LAP3: variants seen among roughly 807,000 people sequenced by gnomAD.
LAP3 encodes cytosol aminopeptidase.
In LAP3, 46 loss-of-function variants were observed where a neutral mutation model predicts 58.8. The observed-to-expected ratio is 0.78, with a 90% CI of 0.62 to 1.00. The LOEUF is 1.00. LAP3 is among the 50% of genes least tolerant of loss of function. The probability of loss-of-function intolerance (pLI) is 0.00; values close to 1 mark genes in which losing one functional copy is unlikely to be tolerated. For missense variants in LAP3, 615 were observed against 659.1 expected, an observed-to-expected ratio of 0.93 and a Z score of 0.73; for synonymous variants, 257 against 237.7, an observed-to-expected ratio of 1.08 and a Z score of -0.75.
At chr4:17,578,990 G>A (rs1255204243) in intron 1 of LAP3, among the ~76,000 whole-genome samples, 1 of 152,152 alleles carries the variant, frequency 6.6e-6, no homozygotes, top group African/African-American at 2.4e-5. Flanking sequence ...CTGTGGCTGG[G>A]CCTAAGAAAA....
At position 17,607,904 on chromosome 4, in the gene LAP3, AG is replaced by A. The variant is rs1478684682; in HGVS notation, c.*317del. ...AATTGTAACTCAGATTTGTGATGCT[AG>A]GAACATGAGCAAACTGAAAATTACT... On this transcript the variant is annotated 3_prime_UTR_variant, in exon 13 of 13. Transcript: ENST00000226299. 24 of 204,252 alleles carry A rather than the reference AG, an allele frequency of 1.2e-4. No individual in the cohort carries two copies. The highest frequency in any genetic ancestry group is 5.6e-4 in the African/African-American group (24 of 43,094). The allele number at this position is 204,252 out of a possible 1,614,324, so 12.7% of individuals were successfully genotyped here.
At chr4:17,597,665 T>G (rs1713864660) in intron 9 of LAP3, among the ~76,000 whole-genome samples, 1 of 152,248 alleles carries the variant, frequency 6.6e-6, no homozygotes, top group Non-Finnish European at 1.5e-5. Context: ...TCCTGTATGC[T>G]ATACATGTGT....
rs777159170 is a variant in LAP3 at position 17,597,120 on chromosome 4, G to A, written c.1063G>A (p.Gly355Arg). The change falls in exon 9 of 13, where the codon GGG becomes AGG. Residue 355 changes from glycine (G) to arginine (R), a missense_variant. Transcript: ENST00000226299. ...KPGDVVRAKN[G>R]KTIQVDNTDA... ...GGGGGATGTTGTTAGAGCCAAAAAC[G>A]GGAAGACCATCCAGGTTTGTAAATG... 2.4e-5 allele frequency: 38 copies of A among 1,614,042 alleles called. No individual in the cohort carries two copies. Among genetic ancestry groups the A allele is most frequent in the Non-Finnish European group, 4.2e-6 (5 of 1,180,000 alleles).
Position 17,577,249 on chromosome 4 carries a change from C to CACGCATGCGGGCG in LAP3, c.-217_-216insACGCATGCGGGCG. 2.6e-6 allele frequency: 1 copy of CACGCATGCGGGCG among 390,326 alleles called. No individual in the cohort carries two copies. The allele number at this position is 390,326 out of a possible 1,614,324, so 24.2% of individuals were successfully genotyped here. On this transcript the variant is annotated 5_prime_UTR_variant, in exon 1 of 13. It adds an upstream start codon to the 5' untranslated region. Coordinates refer to ENST00000226299, the MANE Select transcript of LAP3 (RefSeq NM_015907.3). ...GCGGGCGCACACGAATGCGGGCGCA[C>CACGCATGCGGGCG]CCTTGAGTCCCCTCCACAACCGCGG... is the stretch of plus-strand genomic sequence containing the variant.
chr4:17,591,138 G>A (rs975375339), intron 7 of LAP3, among the ~76,000 whole-genome samples: 10 of 151,514 alleles, frequency 6.6e-5, no homozygotes, highest in Admixed American at 1.3e-4. Flanking sequence ...GTGCATTGGC[G>A]CAGTCTTGGC....
At chr4:17,581,839 G>C (rs762324028) in intron 3 of LAP3, 25 bp downstream of exon 3, 4 of 1,597,920 alleles carry the variant, frequency 2.5e-6, no homozygotes. Context: ...TGATCATTTG[G>C]TAAACCCTCA....
intron 7 of LAP3, among the ~76,000 whole-genome samples, chr4:17,594,985 A>C (rs75070459): frequency 0.013 from 2,030 of 152,076 alleles, 43 homozygotes; most frequent in South Asian, 0.041. Context: ...CACTGTTTAA[A>C]TTTCATTCAA....
intron 5 of LAP3, among the ~76,000 whole-genome samples, chr4:17,584,445 T>C (rs1233714407): frequency 6.6e-6 from 1 of 152,224 alleles, no homozygotes; most frequent in African/African-American, 2.4e-5. Context: ...AACACGTGCC[T>C]GTATCCTTTC....
Position 17,607,853 on chromosome 4 carries a change from A to T in LAP3, c.*264A>T, listed in dbSNP as rs2109025658. The T allele has an allele frequency of 1.4e-5, 4 of 281,188 alleles. No individual in the cohort carries two copies. Among genetic ancestry groups the T allele is most frequent in the South Asian group, 9.9e-5 (1 of 10,088 alleles). 17.4% of individuals were successfully genotyped at this position (281,188 alleles called of 1,614,324 possible). A position where few individuals can be genotyped will look rare whatever the true frequency, so the allele number is the denominator to read the frequency against. On this transcript the variant is annotated 3_prime_UTR_variant, in exon 13 of 13. Transcript: ENST00000226299. Reference sequence around the variant, plus strand: ...TTAGAACTTCCTAATCACTTTTCAGAGTATATGTTTTTCATTGAGAAGCAA... The same window carrying T: ...TTAGAACTTCCTAATCACTTTTCAGTGTATATGTTTTTCATTGAGAAGCAA...
intron 10 of LAP3, among the ~76,000 whole-genome samples, chr4:17,603,609 C>T (rs939765261): frequency 6.6e-6 from 1 of 151,058 alleles, no homozygotes; most frequent in Non-Finnish European, 1.5e-5. Context: ...CAGGTTCAAG[C>T]GGTTCAAGCG....
rs1198887803 is a variant in LAP3, at chr4:17,587,506, C to G, written c.705-1313C>G. On this transcript the variant is annotated intron_variant, in intron 6 of 12. Coordinates refer to ENST00000226299, the MANE Select transcript of LAP3 (RefSeq NM_015907.3). ...AAAATTTTTTTCCCTTTGAAGTGTG[C>G]TGGTCATCCCACCATGATGCAGTCC... 4.0e-5 allele frequency: 6 copies of G among 149,548 alleles called. No homozygotes were observed. The East Asian group carries it at 9.8e-4, about 24-fold the overall frequency. The allele number at this position is 149,548 out of a possible 1,614,324, so 9.3% of individuals were successfully genotyped here.
chr4:17,587,085 G>C lies in LAP3; in HGVS notation c.705-1734G>C, dbSNP rs575671375. On this transcript the variant is annotated intron_variant, in intron 6 of 12. Transcript: ENST00000226299. ...CGCACCGCTGCACTCCAGCCTGGGC[G>C]ACAGAGAGACACTGTGTCTCAAAAA... Among the ~76,000 whole-genome samples the C allele has an allele frequency of 6.6e-5, 10 of 152,306 alleles. No homozygotes were observed. The South Asian group carries it at 1.9e-3, about 28-fold the overall frequency.
chr4:17,587,084 C>A (rs988519019), intron 6 of LAP3, among the ~76,000 whole-genome samples: 1 of 152,062 alleles, frequency 6.6e-6, no homozygotes, highest in East Asian at 1.9e-4. Flanking sequence ...CCAGCCTGGG[C>A]GACAGAGAGA....
rs1181490549 is a variant in LAP3, at chr4:17,590,951, T to G, written c.863+1974T>G. ...TTTTTTTTTTTTTTTTTTTTTTTAGTAGAGACGTGGTCTTGCTATGTTGCC... is the reference window on the plus strand; with the variant it reads ...TTTTTTTTTTTTTTTTTTTTTTTAGGAGAGACGTGGTCTTGCTATGTTGCC... On this transcript the variant is annotated intron_variant, in intron 7 of 12. Transcript: ENST00000226299. Among the ~76,000 whole-genome samples, 3 of 130,312 alleles carry G rather than the reference T, an allele frequency of 2.3e-5. No homozygotes were observed. The East Asian group carries it at 6.9e-4, about 30-fold the overall frequency. 85.5% of individuals were successfully genotyped at this position (130,312 alleles called of 152,430 possible).
rs199537267 is a variant in LAP3, at chr4:17,588,995, C to T, written c.863+18C>T. ...TTTGACAGGTATTTTTTATGGTGTC[C>T]GTGCTTTGTATTTTGGTGAATTATT... is the stretch of plus-strand genomic sequence containing the variant. On this transcript the variant is annotated intron_variant, in intron 7 of 12. Coordinates refer to ENST00000226299, the MANE Select transcript of LAP3 (RefSeq NM_015907.3). 232 of 1,605,362 alleles carry T rather than the reference C, an allele frequency of 1.4e-4. No homozygotes were observed. The highest frequency in any genetic ancestry group is 1.8e-4 in the Non-Finnish European group (214 of 1,174,504).
chr4:17,607,521 G>A lies in LAP3; in HGVS notation c.1492G>A (p.Gly498Ser). ...AGATGAAGTTCCCTATCTACGGAAA[G>A]GCATGACTGGGAGGCCCACAAGGAC... ...NKDEVPYLRK[G>S]MTGRPTRTLI... Residue 498 changes from glycine (G) to serine (S), a missense_variant, in exon 13 of 13, where the codon GGC (glycine) becomes AGC (serine). By Grantham distance (56) the Gly-to-Ser change is moderately conservative (BLOSUM62 0). Transcript: ENST00000226299. 6.2e-7 allele frequency: 1 copy of A among 1,614,080 alleles called. No homozygotes were observed. The highest frequency in any genetic ancestry group is 8.5e-7 in the Non-Finnish European group (1 of 1,180,014).
Position 17,577,480 on chromosome 4 carries a change from T to C in LAP3, c.15T>C (p.Pro5=), listed in dbSNP as rs1713231383. The C allele has an allele frequency of 2.5e-6, 4 of 1,580,730 alleles. No homozygotes were observed. The East Asian group carries it at 7.0e-5, about 28-fold the overall frequency. ...GAGCCGACAAGATGTTCTTGCTGCCTCTTCCGGCTGCGGGGCGAGTAGTCG... is the reference window on the plus strand; with the variant it reads ...GAGCCGACAAGATGTTCTTGCTGCCCCTTCCGGCTGCGGGGCGAGTAGTCG... MFLL[P]LPAAGRVVVR... The change falls in exon 1 of 13, where the codon CCT becomes CCC. Residue 5 remains proline, a synonymous_variant. Transcript: ENST00000226299.
chr4:17,583,624 C>T lies in LAP3; in HGVS notation c.521C>T (p.Ser174Leu), dbSNP rs374750225. Residue 174 changes from serine (S) to leucine (L), a missense_variant, in exon 5 of 13, where the codon TCG becomes TTG. By Grantham distance (145) the Ser-to-Leu change is moderately radical. Coordinates refer to ENST00000226299, the MANE Select transcript of LAP3 (RefSeq NM_015907.3). ...DLKQKKKMAV[S>L]AKLYGSGDQE... ...AAGCAAAAAAAGAAGATGGCTGTGT[C>T]GGCAAAGCTCTATGGAAGGTGATGG... 38 of 1,613,812 alleles carry T rather than the reference C, an allele frequency of 2.4e-5. No individual in the cohort carries two copies. Among genetic ancestry groups the T allele is most frequent in the East Asian group, 1.8e-4 (8 of 44,872 alleles).
In LAP3 at chr4:17,588,952, G is replaced by C. The variant is rs146696513; in HGVS notation, c.838G>C (p.Val280Leu). The change falls in exon 7 of 13, where the codon GTT (valine) becomes CTT (leucine). Residue 280 changes from valine to leucine, a missense_variant. Physicochemically the swap from Val to Leu is conservative, Grantham distance 32. Coordinates refer to ENST00000226299, the MANE Select transcript of LAP3 (RefSeq NM_015907.3). ...PNANEPPLVF[V>L]GKGITFDSGG... ...TGCAAACGAACCACCCCTGGTGTTT[G>C]TTGGGAAAGGAATTACCTTTGACAG... 6.2e-7 allele frequency: 1 copy of C among 1,614,050 alleles called. No individual in the cohort carries two copies. Among genetic ancestry groups the C allele is most frequent in the East Asian group, 2.2e-5 (1 of 44,886 alleles).
Sources: allele counts gnomAD v4.1 joint callset (sites outside exome capture counted in the v4.1 genomes callset), GRCh38; gene constraint gnomAD v4.1.1; transcripts MANE v1.5; gene names NCBI Gene and HGNC (gene_info 2026-07-23, HGNC 2026-07-21).